The following C9orf72 variants were observed in gnomAD, a reference collection of about 807,000 sequenced individuals.
The protein encoded by C9orf72 is guanine nucleotide exchange factor C9orf72.
In C9orf72, 44 loss-of-function variants were observed where a neutral mutation model predicts 51.6. That is an observed-to-expected ratio of 0.85 (90% CI 0.67 to 1.10). The LOEUF (loss-of-function observed/expected upper bound fraction) is 1.10. C9orf72 is among the 50% of genes least tolerant of loss of function. C9orf72 has a pLI of 0.00. For synonymous variants in C9orf72, 213 were observed against 194.2 expected, an observed-to-expected ratio of 1.10 and a Z score of -0.81; for missense variants, 607 against 570.6, an observed-to-expected ratio of 1.06 and a Z score of -0.65.
rs1819496213 is a variant in C9orf72, at chr9:27,567,500, C to T, written c.-44-336G>A. Among the ~76,000 whole-genome samples the T allele has an allele frequency of 2.0e-5, 3 of 152,138 alleles. No homozygotes were observed. In the South Asian group the frequency reaches 6.2e-4, roughly 31 times the overall value. The stretch of plus-strand genomic sequence containing the variant: ...ATAGACCCGCAGTATTCCCAAATAT[C>T]CAGTCCATGTGCAATTCTAGTATGA... On this transcript the variant is annotated intron_variant, in intron 1 of 10. Coordinates refer to ENST00000380003, the MANE Select transcript of C9orf72 (RefSeq NM_018325.5).
Position 27,566,659 on chromosome 9 carries a change from A to C in C9orf72, c.444+18T>G, listed in dbSNP as rs752188561. 1.0e-4 allele frequency: 156 copies of C among 1,535,524 alleles called. 2 individuals are homozygous for C. The highest frequency in any genetic ancestry group is 1.3e-4 in the Non-Finnish European group (146 of 1,131,210). ...AACAGATAGGTTAACATGATTAATA[A>C]GCTGAAAAATCACTTACCTTATGCA... On this transcript the variant is annotated intron_variant, in intron 2 of 10. Transcript: ENST00000380003.
chr9:27,567,988 G>C (rs1267443992), intron 1 of C9orf72, among the ~76,000 whole-genome samples: 1 of 146,632 alleles, frequency 6.8e-6, no homozygotes, highest in Admixed American at 7.1e-5. Flanking sequence ...ATAAATTGCT[G>C]TTGTTTAAAG....
chr9:27,559,205 A>T (rs1819279987), intron 6 of C9orf72: 1 of 151,828 alleles, frequency 6.6e-6, no homozygotes. Flanking sequence ...TTCTTTCTCA[A>T]ATTAAAACAA....
At chr9:27,572,055 T>C (rs1223459303) in intron 1 of C9orf72, among the ~76,000 whole-genome samples, 1 of 152,234 alleles carries the variant, frequency 6.6e-6, no homozygotes, top group Non-Finnish European at 1.5e-5. Context: ...GAGGGCAGAC[T>C]TGAAAAACAG....
chr9:27,556,687 T>C lies in C9orf72; in HGVS notation c.965A>G (p.His322Arg), dbSNP rs1263058063. 1.9e-6 allele frequency: 3 copies of C among 1,613,846 alleles called. No individual in the cohort carries two copies. The highest frequency in any genetic ancestry group is 1.3e-5 in the African/African-American group (1 of 74,902). Residue 322 changes from histidine (H) to arginine (R), a missense_variant, in exon 8 of 11, where the codon CAT becomes CGT. By Grantham distance (29) the His-to-Arg change is conservative. Transcript: ENST00000380003. Reference sequence around the variant, plus strand: ...TCTACGCTGATTATAAATATGTTCATGACAGGGTGGCATCTGCTTCACAGT... The same window carrying C: ...TCTACGCTGATTATAAATATGTTCACGACAGGGTGGCATCTGCTTCACAGT... ...VNTVKQMPPC[H>R]EHIYNQRRYM...
rs1328497730 is a variant in C9orf72, at chr9:27,561,660, T to A, written c.601-11A>T. On this transcript the variant is annotated splice_polypyrimidine_tract_variant and intron_variant, in intron 4 of 10. Transcript: ENST00000380003. ...TACTGTATCAGCTATCTAAAATGCA[T>A]CAAAAAATAAAAAAATTAGTCTGGC... 1.9e-6 allele frequency: 3 copies of A among 1,541,580 alleles called. No individual in the cohort carries two copies. The highest frequency in any genetic ancestry group is 1.8e-5 in the Admixed American group (1 of 55,118).
At chr9:27,571,986 C>A (rs1294263502) in intron 1 of C9orf72, among the ~76,000 whole-genome samples, 1 of 152,198 alleles carries the variant, frequency 6.6e-6, no homozygotes, top group Admixed American at 6.5e-5. Context: ...GTTTCTCAGA[C>A]AATAGGTAGG....
At position 27,564,792 on chromosome 9, in the gene C9orf72, G is replaced by A. The variant is rs185358936; in HGVS notation, c.504+739C>T. On this transcript the variant is annotated intron_variant, in intron 3 of 10. Transcript: ENST00000380003. Reference sequence around the variant, plus strand: ...ATATTGGAGTTTTACAAGGAGCATTGAGGGTCACCCACAAGAGGAAATGGA... The same window carrying A: ...ATATTGGAGTTTTACAAGGAGCATTAAGGGTCACCCACAAGAGGAAATGGA... 2.0e-5 allele frequency among the ~76,000 whole-genome samples: 3 copies of A among 152,134 alleles called. No individual in the cohort carries two copies. The East Asian group carries it at 5.8e-4, about 29-fold the overall frequency.
chr9:27,548,442 A>G lies in C9orf72; in HGVS notation c.1260-20T>C. 7.5e-7 allele frequency: 1 copy of G among 1,337,206 alleles called. No individual in the cohort carries two copies. 82.8% of individuals were successfully genotyped at this position (1,337,206 alleles called of 1,614,324 possible). The stretch of plus-strand genomic sequence containing the variant: ...TTCTGCCTAAAAATAATGGAAAAAA[A>G]AAAAAAAAAAAAAAAAAAAGAAGCG... On this transcript the variant is annotated intron_variant, in intron 10 of 10. Transcript: ENST00000380003.
At chr9:27,551,829 ATTTG>A (rs1472687027) in intron 8 of C9orf72, among the ~76,000 whole-genome samples, 1 of 152,104 alleles carries the variant, frequency 6.6e-6, no homozygotes, top group African/African-American at 2.4e-5. Flanking sequence ...GAACATTTCC[ATTTG>A]TTTGTGTCAT....
intron 6 of C9orf72, chr9:27,559,773 T>C (rs1012878862): frequency 6.6e-6 from 1 of 152,308 alleles, no homozygotes; most frequent in East Asian, 1.9e-4. Flanking sequence ...CTGAATAAAG[T>C]ATAATAATCA....
At chr9:27,568,983 A>G (rs1819530214) in intron 1 of C9orf72, among the ~76,000 whole-genome samples, 1 of 152,078 alleles carries the variant, frequency 6.6e-6, no homozygotes. Flanking sequence ...TGGAGGTGGA[A>G]GGCAGTGAGG....
chr9:27,571,018 C>G (rs1023378448), intron 1 of C9orf72: 2 of 152,138 alleles, frequency 1.3e-5, no homozygotes, highest in African/African-American at 4.8e-5. Flanking sequence ...GAGAGCTGTA[C>G]AATTATTTTA....
intron 8 of C9orf72, chr9:27,554,443 T>C (rs542457344): frequency 3.5e-5 from 14 of 395,474 alleles, no homozygotes; most frequent in South Asian, 1.4e-4. Flanking sequence ...ACACTGAGTA[T>C]ACATGGACAC....
Position 27,566,930 on chromosome 9 carries a change from T to G in C9orf72, c.191A>C (p.Asn64Thr). ...AAGGATTTCTCCATTTAGAGTGTGG[T>G]TGGCAAGAAAAGTTATTTCTCCATC... ...LSDGEITFLA[N>T]HTLNGEILRN... is the part of the protein sequence containing the mutation. Residue 64 changes from asparagine (N) to threonine (T), a missense_variant, in exon 2 of 11, where the codon AAC becomes ACC. Physicochemically the swap from Asn to Thr is moderately conservative, Grantham distance 65 (BLOSUM62 0). Transcript: ENST00000380003. The G allele has an allele frequency of 6.2e-7, 1 of 1,614,116 alleles. No individual in the cohort carries two copies. The highest frequency in any genetic ancestry group is 1.1e-5 in the South Asian group (1 of 91,088).
At chr9:27,567,689 T>C (rs1819500354) in intron 1 of C9orf72, among the ~76,000 whole-genome samples, 2 of 152,066 alleles carry the variant, frequency 1.3e-5, no homozygotes, top group African/African-American at 4.8e-5. Context: ...TAGAAATAAG[T>C]GTAATCATGT....
chr9:27,554,516 C>T, intron 8 of C9orf72: 1 of 398,088 alleles, frequency 2.5e-6, no homozygotes, highest in Non-Finnish European at 4.4e-6. Flanking sequence ...GATCAAAAAA[C>T]TACCTATTGG....
intron 9 of C9orf72, among the ~76,000 whole-genome samples, chr9:27,549,276 T>G (rs1340475922): frequency 6.6e-6 from 1 of 152,270 alleles, no homozygotes; most frequent in Admixed American, 6.5e-5. Context: ...ACTTAATTTT[T>G]TCTGCCCAAA....
intron 5 of C9orf72, chr9:27,561,144 T>C (rs1451913882): frequency 1.7e-6 from 1 of 603,816 alleles, no homozygotes; most frequent in Non-Finnish European, 2.1e-6. Context: ...GTACACAGCA[T>C]TAATCCAGGG....
Sources: allele counts gnomAD v4.1 joint callset (sites outside exome capture counted in the v4.1 genomes callset), GRCh38; gene constraint gnomAD v4.1.1; transcripts MANE v1.5; gene names NCBI Gene and HGNC (gene_info 2026-07-23, HGNC 2026-07-21).